RERE: variants seen among roughly 807,000 people sequenced by gnomAD.
RERE encodes the protein arginine-glutamic acid dipeptide repeats.
A neutral mutation model predicts 146.1 loss-of-function variants in RERE; 40 were observed. The ratio of observed to expected loss-of-function variants is 0.27; its 90% CI spans 0.21 to 0.36. The LOEUF (loss-of-function observed/expected upper bound fraction) is 0.36. Ranked by LOEUF, RERE falls within the 10% of genes least tolerant of loss-of-function variation. The pLI, the probability that RERE is intolerant of heterozygous loss-of-function variation, is 1.00. For synonymous variants in RERE, 1,003 were observed against 866.0 expected, an observed-to-expected ratio of 1.16 and a Z score of -2.78; for missense variants, 1,933 against 2,138.7, an observed-to-expected ratio of 0.90 and a Z score of 1.90.
rs1046151818 is a variant in RERE, at chr1:8,364,005, C to T, written c.1740+51G>A. ...CTGGGAGGCTCAAGCCCCCACACAT[C>T]CCAGGAAACTGAAGAAGTTGCCAGG... On this transcript the variant is annotated intron_variant, in intron 15 of 22. Coordinates refer to ENST00000400908, the MANE Select transcript of RERE (RefSeq NM_001042681.2). This position sits in a 1 kb window ranked among gnomAD's most constrained non-coding sequence, Gnocchi z 5.1. 6 of 1,551,570 alleles carry T rather than the reference C, an allele frequency of 3.9e-6. No individual in the cohort carries two copies. In the African/African-American group the frequency reaches 8.2e-5, roughly 21 times the overall value.
chr1:8,797,030 A>C (rs538408655), intron 1 of RERE, among the ~76,000 whole-genome samples: 1 of 152,196 alleles, frequency 6.6e-6, no homozygotes, highest in African/African-American at 2.4e-5. Context: ...CAGAGGACCC[A>C]ACAGACGGAA....
intron 1 of RERE, among the ~76,000 whole-genome samples, chr1:8,751,959 A>T (rs1640546324): frequency 6.6e-6 from 1 of 152,076 alleles, no homozygotes; most frequent in Admixed American, 6.5e-5. Context: ...TGCAAAAAAA[A>T]AAAAAAAAGA....
At chr1:8,704,389 A>C (rs1228911696) in intron 1 of RERE, among the ~76,000 whole-genome samples, 1 of 152,216 alleles carries the variant, frequency 6.6e-6, no homozygotes, top group East Asian at 1.9e-4. Flanking sequence ...CAAATTAGAA[A>C]GGTACAAGCT....
chr1:8,525,453 A>G (rs1645558340), intron 7 of RERE, among the ~76,000 whole-genome samples: 1 of 152,206 alleles, frequency 6.6e-6, no homozygotes, highest in South Asian at 2.1e-4. Context: ...AAGCTTGGCA[A>G]CACACACCCA....
At chr1:8,608,538 C>A (rs976356250) in intron 4 of RERE, among the ~76,000 whole-genome samples, 14 of 151,952 alleles carry the variant, frequency 9.2e-5, no homozygotes, top group Admixed American at 9.2e-4. Context: ...ACATGAAACA[C>A]CCCAAGAAAG....
intron 1 of RERE, among the ~76,000 whole-genome samples, chr1:8,698,208 A>C (rs746622100): frequency 6.6e-6 from 1 of 152,212 alleles, no homozygotes; most frequent in Non-Finnish European, 1.5e-5. Context: ...CATAAAAATA[A>C]CTTGGTTATC....
intron 1 of RERE, among the ~76,000 whole-genome samples, chr1:8,762,535 GA>G (rs1640774992): frequency 6.6e-6 from 1 of 152,022 alleles, no homozygotes; most frequent in Non-Finnish European, 1.5e-5. Flanking sequence ...GAATACCCGA[GA>G]AAGGTGCTTA....
Position 8,422,793 on chromosome 1 carries a change from C to T in RERE, c.1218G>A (p.Lys406=), listed in dbSNP as rs1643929372. The part of the protein sequence containing the change: ...WTEDEVKRFV[K]GLRQYGKNFF... ...AGTTCTTCCCGTACTGCCTGAGTCC[C>T]TTAACGAAGCGTTTCTGTGATAAAA... The change falls in exon 12 of 23, where the codon AAG becomes AAA. Residue 406 remains lysine (K), a synonymous_variant. Transcript: ENST00000400908. 1 of 1,613,636 alleles carries T rather than the reference C, an allele frequency of 6.2e-7. No homozygotes were observed. The highest frequency in any genetic ancestry group is 8.5e-7 in the Non-Finnish European group (1 of 1,179,608).
intron 12 of RERE, among the ~76,000 whole-genome samples, chr1:8,386,504 C>T (rs1008602106): frequency 7.3e-6 from 1 of 137,388 alleles, no homozygotes; most frequent in Non-Finnish European, 1.6e-5. Context: ...GAATCCCAAA[C>T]AGCCAGAGAG....
chr1:8,359,667 G>C, intron 19 of RERE, 97 bp downstream of exon 19: 1 of 1,355,680 alleles, frequency 7.4e-7, no homozygotes. Flanking sequence ...AGGAGGCCGA[G>C]TCAGGCAGCC....
At chr1:8,579,916 A>G (rs1334987966) in intron 4 of RERE, among the ~76,000 whole-genome samples, 2 of 152,222 alleles carry the variant, frequency 1.3e-5, no homozygotes, top group Non-Finnish European at 2.9e-5. Flanking sequence ...AGACAGGAGA[A>G]CTGCTTGACC....
intron 1 of RERE, among the ~76,000 whole-genome samples, chr1:8,763,841 C>T (rs1258132424): frequency 1.3e-5 from 2 of 150,562 alleles, no homozygotes; most frequent in Non-Finnish European, 3.0e-5. Flanking sequence ...CTCGGGAGGC[C>T]GAGGCAGGAG....
At chr1:8,771,293 G>T (rs745370194) in intron 1 of RERE, among the ~76,000 whole-genome samples, 1 of 151,900 alleles carries the variant, frequency 6.6e-6, no homozygotes, top group Non-Finnish European at 1.5e-5. Flanking sequence ...AGGCCGAGGC[G>T]GGTGGATCAC....
At chr1:8,426,183 G>A (rs959455218) in intron 11 of RERE, among the ~76,000 whole-genome samples, 10 of 152,104 alleles carry the variant, frequency 6.6e-5, no homozygotes, top group Admixed American at 3.3e-4. Context: ...AGCCGGGCGC[G>A]GTGGCTCATG....
At chr1:8,618,864 CG>C in intron 3 of RERE, among the ~76,000 whole-genome samples, 1 of 152,180 alleles carries the variant, frequency 6.6e-6, no homozygotes, top group Non-Finnish European at 1.5e-5. Context: ...TGGTGGAGGG[CG>C]GGCAATCTCA....
chr1:8,679,765 T>C (rs142763703), intron 1 of RERE, among the ~76,000 whole-genome samples: 18 of 152,336 alleles, frequency 1.2e-4, no homozygotes, highest in Non-Finnish European at 2.4e-4. Flanking sequence ...AGAGTTCTGT[T>C]TTCTACAAAA....
intron 7 of RERE, among the ~76,000 whole-genome samples, chr1:8,535,640 T>C (rs951408424): frequency 6.6e-6 from 1 of 152,226 alleles, no homozygotes; most frequent in African/African-American, 2.4e-5. Context: ...ATTGCAGTTG[T>C]CAGTCTAGGA....
At chr1:8,589,576 AC>A (rs1220638954) in intron 4 of RERE, among the ~76,000 whole-genome samples, 1 of 152,364 alleles carries the variant, frequency 6.6e-6, no homozygotes, top group Admixed American at 6.5e-5. Flanking sequence ...TGAATATCTA[AC>A]TAAGTGCTAG....
intron 6 of RERE, among the ~76,000 whole-genome samples, chr1:8,545,687 T>TC (rs1356092402): frequency 2.0e-5 from 2 of 102,196 alleles, no homozygotes; most frequent in Non-Finnish European, 4.7e-5. Flanking sequence ...AAAAAATTCT[T>TC]TTTTTTTTTT....
Sources: allele counts gnomAD v4.1 joint callset (sites outside exome capture counted in the v4.1 genomes callset), GRCh38; gene constraint gnomAD v4.1.1; non-coding constraint Gnocchi (gnomAD v3.1); transcripts MANE v1.5; gene names NCBI Gene and HGNC (gene_info 2026-07-23, HGNC 2026-07-21).